The following NFASC variants were observed in gnomAD, a reference collection of about 807,000 sequenced individuals.
The protein encoded by NFASC is neurofascin homolog.
A neutral mutation model predicts 147.5 loss-of-function variants in NFASC; 43 were observed. The observed-to-expected ratio is 0.29, with a 90% CI of 0.23 to 0.38. The LOEUF (loss-of-function observed/expected upper bound fraction) is 0.38. NFASC is among the 10% of genes least tolerant of loss of function. The pLI, the probability that NFASC is intolerant of heterozygous loss-of-function variation, is 1.00. For missense variants in NFASC, 1,320 were observed against 1,689.0 expected (o/e 0.78, Z 3.83); for synonymous variants, 622 against 665.5 (o/e 0.93, Z 1.01).
At chr1:204,957,953 C>T in intron 8 of NFASC, 127 bp downstream of exon 8, 1 of 814,140 alleles carries the variant, frequency 1.2e-6, no homozygotes, top group Non-Finnish European at 2.0e-6. Context: ...ATCCTTCCAG[C>T]TCATGGTGCC....
At chr1:204,842,969 G>A (rs2102526157) in intron 1 of NFASC, among the ~76,000 whole-genome samples, 1 of 152,360 alleles carries the variant, frequency 6.6e-6, no homozygotes, top group Non-Finnish European at 1.5e-5. Flanking sequence ...CCTCCTGGAA[G>A]GCTGATGTGG....
chr1:205,012,608 C>A, intron 28 of NFASC, 189 bp from the exon 29 acceptor site: 1 of 614,250 alleles, frequency 1.6e-6, no homozygotes, highest in Non-Finnish European at 2.9e-6. Context: ...AAGGAGGAGG[C>A]AGAGTCAACT....
intron 3 of NFASC, chr1:204,946,294 C>T (rs777668542): frequency 2.5e-5 from 13 of 510,810 alleles, no homozygotes; most frequent in African/African-American, 1.3e-4. Flanking sequence ...TGTGCCTCAT[C>T]GCACATGGTT....
At chr1:205,000,894 T>C in intron 25 of NFASC, 1 of 507,004 alleles carries the variant, frequency 2.0e-6, no homozygotes, top group Non-Finnish European at 3.6e-6. Flanking sequence ...ACACAGTCAG[T>C]TTCCAGCTCT....
At chr1:205,012,252 C>T (rs1157283608) in intron 28 of NFASC, among the ~76,000 whole-genome samples, 2 of 152,262 alleles carry the variant, frequency 1.3e-5, no homozygotes, top group Admixed American at 6.5e-5. Context: ...AAAGGGGGCA[C>T]GCCAACAAGG....
rs571032247 is a variant in NFASC, at chr1:204,895,472, A to G, written c.-199-25160A>G. Among the ~76,000 whole-genome samples the G allele has an allele frequency of 4.9e-4, 75 of 152,246 alleles. No individual in the cohort carries two copies. In the South Asian group the frequency reaches 7.7e-3, roughly 16 times the overall value. Reference sequence around the variant, plus strand: ...TTGTGTCATTCAACCCTGCTTTTTTACTACTGCCTAATAGAGGATGTGCAT... The same window carrying G: ...TTGTGTCATTCAACCCTGCTTTTTTGCTACTGCCTAATAGAGGATGTGCAT... On this transcript the variant is annotated intron_variant, in intron 1 of 29. Coordinates refer to ENST00000339876, the MANE Select transcript of NFASC (RefSeq NM_001005388.3).
Position 204,944,339 on chromosome 1 carries a change from C to T in NFASC, c.24C>T (p.Pro8=). 1 of 1,613,858 alleles carries T rather than the reference C, an allele frequency of 6.2e-7. No homozygotes were observed. The highest frequency in any genetic ancestry group is 8.5e-7 in the Non-Finnish European group (1 of 1,179,924). The stretch of plus-strand genomic sequence containing the variant: ...GGATGGCCAGGCAGCCACCGCCGCC[C>T]TGGGTCCATGCAGCCTTCCTCCTCT... MARQPPP[P]WVHAAFLLCL... Residue 8 remains proline, a synonymous_variant, in exon 3 of 30, where the codon CCC becomes CCT. Transcript: ENST00000339876.
At chr1:204,882,904 G>T (rs1361141248) in intron 1 of NFASC, among the ~76,000 whole-genome samples, 3 of 152,018 alleles carry the variant, frequency 2.0e-5, no homozygotes, top group African/African-American at 7.3e-5. Flanking sequence ...GTATATAGAC[G>T]CCCGGGGTTC....
At position 204,915,672 on chromosome 1, in the gene NFASC, GAC is replaced by G. The variant is rs569385250; in HGVS notation, c.-199-4958_-199-4957del. ...AAATGTTTAAGTAAGAATCCTGAGA[GAC>G]AGAGACAGAATGATCTTTTTGCCCT... On this transcript the variant is annotated intron_variant, in intron 1 of 29. Transcript: ENST00000339876. 1.5e-3 allele frequency among the ~76,000 whole-genome samples: 226 copies of G among 152,304 alleles called. 6 individuals are homozygous for G. The South Asian group carries it at 0.045, about 30-fold the overall frequency.
At position 205,015,763 on chromosome 1, in the gene NFASC, C is replaced by G. The variant is rs952398861; in HGVS notation, c.3492-545C>G. On this transcript the variant is annotated intron_variant, in intron 29 of 29. Transcript: ENST00000339876. The surrounding 1 kb of genome is among the most constrained non-coding windows in gnomAD (Gnocchi z 4.0). ...AACCAGATAGCTCAGCGAAAGACAC[C>G]AAGACAGACAAGCAGAGAGGTGAGG... 6.6e-6 allele frequency among the ~76,000 whole-genome samples: 1 copy of G among 152,034 alleles called. No homozygotes were observed. Among genetic ancestry groups the G allele is most frequent in the Non-Finnish European group, 1.5e-5 (1 of 68,016 alleles).
rs2095473795 is a variant in NFASC at position 204,979,586 on chromosome 1, G to A, written c.2176+27G>A. ...TGAGTACCCGAGGGCTGCCAGAGAA[G>A]GCTCCGGAACCCCGCACCCCAAACT... On this transcript the variant is annotated intron_variant, in intron 19 of 29. Transcript: ENST00000339876. The surrounding 1 kb of genome is among the most constrained non-coding windows in gnomAD (Gnocchi z 6.0). 1.2e-6 allele frequency: 2 copies of A among 1,608,148 alleles called. No homozygotes were observed. Among genetic ancestry groups the A allele is most frequent in the Middle Eastern group, 1.7e-4 (1 of 5,870 alleles).
chr1:205,022,451 A>G lies in NFASC; in HGVS notation c.*5912A>G, dbSNP rs2096406844. ...TTTCCCGTGGGGAATTTTTTTTCCCAGCGTCTCCATCCCTTCCTACATATC... is the reference window on the plus strand; with the variant it reads ...TTTCCCGTGGGGAATTTTTTTTCCCGGCGTCTCCATCCCTTCCTACATATC... On this transcript the variant is annotated 3_prime_UTR_variant, in exon 30 of 30. Transcript: ENST00000339876. 7.1e-6 allele frequency: 1 copy of G among 141,626 alleles called. No individual in the cohort carries two copies. 8.8% of individuals were successfully genotyped at this position (141,626 alleles called of 1,614,324 possible). A position where few individuals can be genotyped will look rare whatever the true frequency, so the allele number is the denominator to read the frequency against.
At chr1:204,875,766 G>A (rs767116170) in intron 1 of NFASC, among the ~76,000 whole-genome samples, 3 of 152,136 alleles carry the variant, frequency 2.0e-5, no homozygotes, top group Non-Finnish European at 2.9e-5. Flanking sequence ...AGAAGCCAAC[G>A]GTAGATACCA....
rs745835046 is a variant in NFASC, at chr1:204,988,709, G to A, written c.2670G>A (p.Thr890=). 71 of 1,614,084 alleles carry A rather than the reference G, an allele frequency of 4.4e-5. No homozygotes were observed. The highest frequency in any genetic ancestry group is 1.6e-4 in the Middle Eastern group (1 of 6,084). ...AGACCAAGTTCACGGTGCAAAGAAC[G>A]GACCCCGTGTCACGCTACCGCTTTA... ...PNQTKFTVQR[T]DPVSRYRFTL... The change falls in exon 23 of 30, where the codon ACG becomes ACA. Residue 890 remains threonine (T), a synonymous_variant. Coordinates refer to ENST00000339876, the MANE Select transcript of NFASC (RefSeq NM_001005388.3).
intron 11 of NFASC, among the ~76,000 whole-genome samples, chr1:204,971,194 T>A (rs1398334951): frequency 6.6e-6 from 1 of 152,066 alleles, no homozygotes; most frequent in Non-Finnish European, 1.5e-5. Context: ...AGAAGCAGGG[T>A]TGTACAATAA....
intron 1 of NFASC, among the ~76,000 whole-genome samples, chr1:204,883,342 T>C (rs761143075): frequency 6.6e-6 from 1 of 152,232 alleles, no homozygotes; most frequent in Non-Finnish European, 1.5e-5. Context: ...GAGTGACAGC[T>C]GTGCAGGGCT....
At chr1:204,941,246 C>A (rs915209233) in intron 2 of NFASC, among the ~76,000 whole-genome samples, 1 of 152,152 alleles carries the variant, frequency 6.6e-6, no homozygotes, top group Non-Finnish European at 1.5e-5. Flanking sequence ...TCTTTAAATT[C>A]TTTTCCTCTT....
chr1:204,845,218 A>G lies in NFASC; in HGVS notation c.-200+16436A>G, dbSNP rs527395483. On this transcript the variant is annotated intron_variant, in intron 1 of 29. Coordinates refer to ENST00000339876, the MANE Select transcript of NFASC (RefSeq NM_001005388.3). ...AAAGTGGCGGTGTATGTCCGAGATGATGGTGCTCCTGCTCTGTCAGTCAGG... is the reference window on the plus strand; with the variant it reads ...AAAGTGGCGGTGTATGTCCGAGATGGTGGTGCTCCTGCTCTGTCAGTCAGG... Among the ~76,000 whole-genome samples the G allele has an allele frequency of 4.6e-5, 7 of 151,750 alleles. No individual in the cohort carries two copies. In the South Asian group the frequency reaches 1.5e-3, roughly 32 times the overall value.
chr1:204,890,266 T>G (rs533303841), intron 1 of NFASC, among the ~76,000 whole-genome samples: 19 of 152,314 alleles, frequency 1.2e-4, no homozygotes, highest in African/African-American at 4.6e-4. Context: ...CATGTGCTCA[T>G]GCTGAAGCAG....
Sources: allele counts gnomAD v4.1 joint callset (sites outside exome capture counted in the v4.1 genomes callset), GRCh38; gene constraint gnomAD v4.1.1; non-coding constraint Gnocchi (gnomAD v3.1); transcripts MANE v1.5; gene names NCBI Gene and HGNC (gene_info 2026-07-23, HGNC 2026-07-21).